HECW2: variants seen among roughly 807,000 people sequenced by gnomAD.
The protein encoded by HECW2 is E3 ubiquitin-protein ligase HECW2.
HECW2 carries 61 observed loss-of-function variants against 175.2 expected under a neutral mutation model. That is an observed-to-expected ratio of 0.35 (90% CI 0.28 to 0.43). The LOEUF (loss-of-function observed/expected upper bound fraction) is 0.43, where lower values mean the gene tolerates loss of function less well. Ranked by LOEUF, HECW2 falls within the 20% of genes least tolerant of loss-of-function variation. The pLI is 1.00. For missense variants in HECW2, 1,524 were observed against 2,000.5 expected, an observed-to-expected ratio of 0.76 and a Z score of 4.54; for synonymous variants, 671 against 731.0, an observed-to-expected ratio of 0.92 and a Z score of 1.32.
intron 2 of HECW2, among the ~76,000 whole-genome samples, chr2:196,414,547 T>G (rs1162891515): frequency 6.6e-6 from 1 of 152,152 alleles, no homozygotes; most frequent in Non-Finnish European, 1.5e-5. Context: ...CCTTCCTGAG[T>G]CCTAGAGAGA....
At chr2:196,270,989 C>T (rs149238080) in intron 17 of HECW2, among the ~76,000 whole-genome samples, 4 of 152,116 alleles carry the variant, frequency 2.6e-5, no homozygotes, top group African/African-American at 4.8e-5. Flanking sequence ...TCGCCGTGCC[C>T]GGCCGATTTT....
intron 1 of HECW2, among the ~76,000 whole-genome samples, chr2:196,509,704 A>T (rs116150688): frequency 0.017 from 2,639 of 152,350 alleles, 76 homozygotes; most frequent in African/African-American, 0.061. Context: ...AAAAGGACAT[A>T]CAACTCAAAA....
intron 14 of HECW2, among the ~76,000 whole-genome samples, chr2:196,282,482 T>C (rs1690224227): frequency 6.6e-6 from 1 of 151,996 alleles, no homozygotes; most frequent in Non-Finnish European, 1.5e-5. Flanking sequence ...TAGAGAGGGC[T>C]AAGACACCAA....
At chr2:196,496,695 T>G (rs1019700935) in intron 1 of HECW2, among the ~76,000 whole-genome samples, 10 of 152,182 alleles carry the variant, frequency 6.6e-5, no homozygotes, top group Admixed American at 1.3e-4. Context: ...AGTCTAAAAT[T>G]TGTTAAGTCC....
chr2:196,262,661 G>A (rs1469704195), intron 17 of HECW2, among the ~76,000 whole-genome samples: 2 of 151,134 alleles, frequency 1.3e-5, no homozygotes, highest in East Asian at 4.0e-4. Context: ...TGCCTCCCGG[G>A]TTCAAGTGAT....
intron 1 of HECW2, among the ~76,000 whole-genome samples, chr2:196,514,739 T>C (rs1180149321): frequency 3.3e-5 from 5 of 152,064 alleles, no homozygotes; most frequent in East Asian, 1.9e-4. Context: ...TGGACCCTCA[T>C]TGGGACGACC....
intron 10 of HECW2, 70 bp downstream of exon 10, chr2:196,317,204 T>C (rs1691730750): frequency 3.4e-6 from 4 of 1,180,334 alleles, no homozygotes; most frequent in Middle Eastern, 1.9e-4. Context: ...TTGAGACTCA[T>C]GGGAATGGGT....
At chr2:196,276,504 C>T (rs575428642) in intron 15 of HECW2, among the ~76,000 whole-genome samples, 2 of 152,316 alleles carry the variant, frequency 1.3e-5, no homozygotes, top group South Asian at 4.1e-4. Context: ...AAACAGCCAG[C>T]TTCATACTGT....
At position 196,317,383 on chromosome 2, in the gene HECW2, T is replaced by C. The variant is rs1442865706; in HGVS notation, c.2339-14A>G. ...TGGCTTGAGAACCTAGGATTAAAGG[T>C]AGAAAGTTACCAGGTATTGTTTTCT... On this transcript the variant is annotated splice_polypyrimidine_tract_variant and intron_variant, in intron 9 of 28. Transcript: ENST00000644978. The C allele has an allele frequency of 6.3e-7, 1 of 1,582,752 alleles. No individual in the cohort carries two copies. Among genetic ancestry groups the C allele is most frequent in the African/African-American group, 1.3e-5 (1 of 74,350 alleles).
At chr2:196,290,892 C>T (rs1237392471) in intron 14 of HECW2, 1 of 152,170 alleles carries the variant, frequency 6.6e-6, no homozygotes, top group Non-Finnish European at 1.5e-5. Context: ...ATCACAAGCC[C>T]AATTCTCTTT....
At chr2:196,365,147 A>G (rs543069401) in intron 2 of HECW2, among the ~76,000 whole-genome samples, 56 of 152,350 alleles carry the variant, frequency 3.7e-4, no homozygotes, top group African/African-American at 1.3e-3. Context: ...ATTATACACA[A>G]TTAAAGACAT....
intron 17 of HECW2, among the ~76,000 whole-genome samples, chr2:196,265,812 G>A (rs976206375): frequency 6.6e-6 from 1 of 152,168 alleles, no homozygotes; most frequent in Non-Finnish European, 1.5e-5. Context: ...TTTTACAGAC[G>A]AGGATGACAA....
intron 10 of HECW2, among the ~76,000 whole-genome samples, chr2:196,314,711 G>C (rs1323067275): frequency 6.6e-6 from 1 of 152,202 alleles, no homozygotes; most frequent in Non-Finnish European, 1.5e-5. Flanking sequence ...AGTGTGCTTT[G>C]TAAAGTGTAA....
chr2:196,480,239 A>C (rs139344952), intron 1 of HECW2, among the ~76,000 whole-genome samples: 48 of 152,286 alleles, frequency 3.2e-4, no homozygotes, highest in Non-Finnish European at 5.3e-4. Context: ...CAACTTCTTT[A>C]ATATAAGATT....
chr2:196,582,404 T>C (rs761155619), intron 1 of HECW2, among the ~76,000 whole-genome samples: 1 of 152,222 alleles, frequency 6.6e-6, no homozygotes, highest in African/African-American at 2.4e-5. Context: ...AGCTTGAGGA[T>C]GCCAAGTAGT....
At chr2:196,334,952 C>G (rs1296399658) in intron 3 of HECW2, among the ~76,000 whole-genome samples, 2 of 152,122 alleles carry the variant, frequency 1.3e-5, no homozygotes, top group Non-Finnish European at 2.9e-5. Context: ...AAATGAGAGT[C>G]AGGACTCAAA....
intron 1 of HECW2, among the ~76,000 whole-genome samples, chr2:196,541,963 A>T (rs1689230589): frequency 6.6e-6 from 1 of 152,086 alleles, no homozygotes; most frequent in Non-Finnish European, 1.5e-5. Context: ...ATGGAATGTA[A>T]CATAGAAAAA....
rs761653516 is a variant in HECW2 at position 196,337,568 on chromosome 2, TAA to T, written c.401-3052_401-3051del. Among the ~76,000 whole-genome samples, 8 of 36,858 alleles carry T rather than the reference TAA, an allele frequency of 2.2e-4. No homozygotes were observed. In the South Asian group the frequency reaches 7.5e-3, roughly 35 times the overall value. 24.2% of individuals were successfully genotyped at this position (36,858 alleles called of 152,430 possible). A position where few individuals can be genotyped will look rare whatever the true frequency, so the allele number is the denominator to read the frequency against. On this transcript the variant is annotated intron_variant, in intron 3 of 28. Transcript: ENST00000644978. Reference sequence around the variant, plus strand: ...CTGGCCTCAAATTATGGGAAAAAAATAAAAAAATATATATATATAAAATATAT... The same window carrying T: ...CTGGCCTCAAATTATGGGAAAAAAATAAAAATATATATATATAAAATATAT...
chr2:196,311,187 G>A (rs1212272838), intron 10 of HECW2, among the ~76,000 whole-genome samples: 2 of 152,118 alleles, frequency 1.3e-5, no homozygotes, highest in Non-Finnish European at 2.9e-5. Context: ...CAATAATAAG[G>A]TTTGAAAACT....
Sources: allele counts gnomAD v4.1 joint callset (sites outside exome capture counted in the v4.1 genomes callset), GRCh38; gene constraint gnomAD v4.1.1; transcripts MANE v1.5; gene names NCBI Gene and HGNC (gene_info 2026-07-23, HGNC 2026-07-21).